The following C3orf38 variants were observed in gnomAD, a reference collection of about 807,000 sequenced individuals.
C3orf38 encodes uncharacterized protein C3orf38.
A neutral mutation model predicts 28.3 loss-of-function variants in C3orf38; 18 were observed. That is an observed-to-expected ratio of 0.64 (90% CI 0.44 to 0.94). The LOEUF (loss-of-function observed/expected upper bound fraction) is 0.94. C3orf38 is among the 40% of genes least tolerant of loss of function. The pLI, the probability that C3orf38 is intolerant of heterozygous loss-of-function variation, is 0.00. For missense variants in C3orf38, 364 were observed against 396.4 expected (o/e 0.92, Z 0.69); for synonymous variants, 145 against 138.1 (o/e 1.05, Z -0.35).
At chr3:88,150,207 A>G in intron 1 of C3orf38, 22 bp downstream of exon 1, 14 of 1,612,400 alleles carry the variant, frequency 8.7e-6, no homozygotes, top group Non-Finnish European at 1.2e-5. Context: ...CCCTTCACCT[A>G]GAAGGCTGCC....
rs1707481340 is a variant in C3orf38, at chr3:88,156,477, G to C, written c.832G>C (p.Glu278Gln). 1.2e-6 allele frequency: 2 copies of C among 1,614,176 alleles called. No homozygotes were observed. Among genetic ancestry groups the C allele is most frequent in the South Asian group, 2.2e-5 (2 of 91,076 alleles). ...IKFINLKIMGESSLAPGTLPK... is the reference protein window; with the variant it reads ...IKFINLKIMGQSSLAPGTLPK... Reference sequence around the variant, plus strand: ...ATTTATCAACCTGAAAATTATGGGAGAGAGTTCCCTTGCTCCTGGAACATT... The same window carrying C: ...ATTTATCAACCTGAAAATTATGGGACAGAGTTCCCTTGCTCCTGGAACATT... Residue 278 changes from glutamate to glutamine, a missense_variant, in exon 3 of 3, where the codon GAG becomes CAG. Glu to Gln is a conservative substitution (Grantham distance 29). Coordinates refer to ENST00000318887, the MANE Select transcript of C3orf38 (RefSeq NM_173824.4).
At chr3:88,153,599 T>G in intron 2 of C3orf38, 128 bp downstream of exon 2, 2 of 1,152,194 alleles carry the variant, frequency 1.7e-6, no homozygotes, top group South Asian at 3.3e-5. Flanking sequence ...TTTAAGAGAT[T>G]CTTGCTCTGT....
Position 88,156,527 on chromosome 3 carries a change from A to G in C3orf38, c.882A>G (p.Glu294=), listed in dbSNP as rs755590151. 1.9e-6 allele frequency: 3 copies of G among 1,614,232 alleles called. No homozygotes were observed. The highest frequency in any genetic ancestry group is 2.5e-6 in the Non-Finnish European group (3 of 1,180,044). The part of the protein sequence containing the change: ...GTLPKPSVKF[E]QSDLEAFYNV... ...TACCGAAACCATCTGTTAAATTTGAACAAAGTGATCTAGAGGCCTTTTATA... is the reference window on the plus strand; with the variant it reads ...TACCGAAACCATCTGTTAAATTTGAGCAAAGTGATCTAGAGGCCTTTTATA... The change falls in exon 3 of 3, where the codon GAA becomes GAG. Residue 294 remains glutamate, a synonymous_variant. Transcript: ENST00000318887.
Position 88,156,589 on chromosome 3 carries a change from A to G in C3orf38, c.944A>G (p.His315Arg). The G allele has an allele frequency of 1.2e-6, 2 of 1,613,664 alleles. No individual in the cohort carries two copies. Among genetic ancestry groups the G allele is most frequent in the Non-Finnish European group, 1.7e-6 (2 of 1,179,948 alleles). Residue 315 changes from histidine to arginine, a missense_variant, in exon 3 of 3, where the codon CAT (histidine) becomes CGT (arginine). By Grantham distance (29) the His-to-Arg change is conservative. Coordinates refer to ENST00000318887, the MANE Select transcript of C3orf38 (RefSeq NM_173824.4). ...GTATGTGGTACCAATGAAGTACGACATAATGTAAAGCAGGCTTCGGATAGT... is the reference window on the plus strand; with the variant it reads ...GTATGTGGTACCAATGAAGTACGACGTAATGTAAAGCAGGCTTCGGATAGT... ...ITVCGTNEVR[H>R]NVKQASDSGT... is the part of the protein sequence containing the mutation.
intron 2 of C3orf38, 26 bp downstream of exon 2, chr3:88,153,497 C>T: frequency 1.2e-6 from 2 of 1,611,330 alleles, no homozygotes; most frequent in Non-Finnish European, 1.7e-6. Flanking sequence ...TGGTTGTATT[C>T]TGAACCTTTG....
chr3:88,150,790 G>T (rs1707399900), intron 1 of C3orf38: 1 of 152,080 alleles, frequency 6.6e-6, no homozygotes, highest in Non-Finnish European at 1.5e-5. Flanking sequence ...TTGTGTGTCG[G>T]GTAGCTAGTT....
chr3:88,153,563 T>C, intron 2 of C3orf38, 92 bp downstream of exon 2: 1 of 1,407,730 alleles, frequency 7.1e-7, no homozygotes, highest in Non-Finnish European at 9.6e-7. Context: ...GTTAATAATG[T>C]TTGTGGGGTT....
chr3:88,150,704 G>A (rs1378385158), intron 1 of C3orf38: 1 of 152,850 alleles, frequency 6.5e-6, no homozygotes, highest in Non-Finnish European at 1.5e-5. Flanking sequence ...TACATATACC[G>A]GTGGATTTTT....
At chr3:88,153,133 G>GA in intron 1 of C3orf38, 97 bp from the exon 2 acceptor site, 7 of 1,137,286 alleles carry the variant, frequency 6.2e-6, no homozygotes, top group Non-Finnish European at 8.7e-6. Context: ...ATGCTGTGAC[G>GA]AGAGTTTATA....
At position 88,156,089 on chromosome 3, in the gene C3orf38, G is replaced by A; in HGVS notation, c.444G>A (p.Trp148Ter). The change falls in exon 3 of 3, where the codon TGG becomes TGA. Residue 148 changes from tryptophan to a stop codon, truncating the protein, a stop_gained. Coordinates refer to ENST00000318887, the MANE Select transcript of C3orf38 (RefSeq NM_173824.4). LOFTEE classifies it high-confidence loss of function. Reference sequence around the variant, plus strand: ...GCCTAGGAGAAGAATTCTGTCATTGGTTCTTTGGACTTCTTAATTCTCAGA... The same window carrying A: ...GCCTAGGAGAAGAATTCTGTCATTGATTCTTTGGACTTCTTAATTCTCAGA... ...FRRLGEEFCH[W>*]FFGLLNSQNP... 3.8e-6 allele frequency: 6 copies of A among 1,593,088 alleles called. No individual in the cohort carries two copies. The highest frequency in any genetic ancestry group is 4.3e-6 in the Non-Finnish European group (5 of 1,172,074).
chr3:88,150,521 C>G (rs1329420478), intron 1 of C3orf38: 3 of 171,006 alleles, frequency 1.8e-5, no homozygotes, highest in African/African-American at 7.1e-5. Flanking sequence ...AGCTGCTGCT[C>G]GGGCTTTTTT....
chr3:88,150,136 C>A lies in C3orf38; in HGVS notation c.84C>A (p.Ala28=). 2 of 1,614,182 alleles carry A rather than the reference C, an allele frequency of 1.2e-6. No individual in the cohort carries two copies. Among genetic ancestry groups the A allele is most frequent in the South Asian group, 2.2e-5 (2 of 91,076 alleles). The change falls in exon 1 of 3, where the codon GCC becomes GCA. Residue 28 remains alanine, a synonymous_variant. Transcript: ENST00000318887. ...LGLLDNDEIM[A]LCDTVTNRLV... is the part of the protein sequence containing the mutation. ...TACTGGACAACGACGAGATCATGGC[C>A]CTATGCGACACTGTCACCAACCGCC...
chr3:88,155,266 T>G (rs1259243702), intron 2 of C3orf38, among the ~76,000 whole-genome samples: 1 of 152,102 alleles, frequency 6.6e-6, no homozygotes, highest in Non-Finnish European at 1.5e-5. Flanking sequence ...TTAAAGACAA[T>G]GAAAATGCTT....
chr3:88,156,291 A>G lies in C3orf38; in HGVS notation c.646A>G (p.Asn216Asp), dbSNP rs1403149120. The change falls in exon 3 of 3, where the codon AAC becomes GAC. Residue 216 changes from asparagine to aspartate, a missense_variant. Asn to Asp is a conservative substitution (Grantham distance 23). Coordinates refer to ENST00000318887, the MANE Select transcript of C3orf38 (RefSeq NM_173824.4). The part of the protein sequence containing the change: ...VKEEFLFLSP[N>D]LDSHGLKCAS... ...AGAAGAATTTCTTTTTCTCAGCCCC[A>G]ACCTAGATTCACATGGACTGAAATG... The G allele has an allele frequency of 3.1e-6, 5 of 1,614,068 alleles. No homozygotes were observed. The highest frequency in any genetic ancestry group is 4.2e-6 in the Non-Finnish European group (5 of 1,180,050).
Position 88,156,697 on chromosome 3 carries a change from GCTAAGTA to G in C3orf38, c.*65_*71del. The G allele has an allele frequency of 6.6e-7, 1 of 1,515,964 alleles. No homozygotes were observed. The highest frequency in any genetic ancestry group is 2.3e-5 in the East Asian group (1 of 44,202). The allele number at this position is 1,515,964 out of a possible 1,614,324, so 93.9% of individuals were successfully genotyped here. ...CTGGGTTTACCTGACCCTCTAAAGC[GCTAAGTA>G]CTGTCAGCCTGAAAAAAATCTTCTA... On this transcript the variant is annotated 3_prime_UTR_variant, in exon 3 of 3. Coordinates refer to ENST00000318887, the MANE Select transcript of C3orf38 (RefSeq NM_173824.4).
At position 88,156,487 on chromosome 3, in the gene C3orf38, T is replaced by G. The variant is rs747061086; in HGVS notation, c.842T>G (p.Leu281Arg). The G allele has an allele frequency of 8.7e-6, 14 of 1,614,086 alleles. No individual in the cohort carries two copies. In the African/African-American group the frequency reaches 1.7e-4, roughly 20 times the overall value. Residue 281 changes from leucine to arginine, a missense_variant, in exon 3 of 3, where the codon CTT becomes CGT. Coordinates refer to ENST00000318887, the MANE Select transcript of C3orf38 (RefSeq NM_173824.4). ...INLKIMGESS[L>R]APGTLPKPSV... ...CTGAAAATTATGGGAGAGAGTTCCC[T>G]TGCTCCTGGAACATTACCGAAACCA... is the stretch of plus-strand genomic sequence containing the variant.
At chr3:88,150,782 G>A (rs1576368414) in intron 1 of C3orf38, 1 of 152,172 alleles carries the variant, frequency 6.6e-6, no homozygotes, top group Non-Finnish European at 1.5e-5. Context: ...TGTTCATTTT[G>A]TGTGTCGGGT....
chr3:88,150,284 A>C, intron 1 of C3orf38, 99 bp downstream of exon 1: 2 of 1,422,260 alleles, frequency 1.4e-6, no homozygotes, highest in Non-Finnish European at 1.9e-6. Context: ...CCGCAGCCGC[A>C]GATCCACAGC....
chr3:88,156,871 G>A lies in C3orf38; in HGVS notation c.*236G>A, dbSNP rs993235457. 26 of 435,606 alleles carry A rather than the reference G, an allele frequency of 6.0e-5. No homozygotes were observed. Among genetic ancestry groups the A allele is most frequent in the African/African-American group, 4.8e-4 (24 of 49,744 alleles). The allele number at this position is 435,606 out of a possible 1,614,324, so 27.0% of individuals were successfully genotyped here. On this transcript the variant is annotated 3_prime_UTR_variant, in exon 3 of 3. Transcript: ENST00000318887. ...CTTACCTATTTCTACCCGAGTTGCA[G>A]CAAGTATTCTGAAAGCTTAATGCAA...
Sources: allele counts gnomAD v4.1 joint callset (sites outside exome capture counted in the v4.1 genomes callset), GRCh38; gene constraint gnomAD v4.1.1; transcripts MANE v1.5; gene names NCBI Gene and HGNC (gene_info 2026-07-23, HGNC 2026-07-21).